The following ROBO1 variants were observed in gnomAD, a reference collection of about 807,000 sequenced individuals.
The protein encoded by ROBO1 is roundabout homolog 1.
Under a neutral mutation model 195.9 loss-of-function variants are expected in ROBO1, and 149 were observed. The ratio of observed to expected loss-of-function variants is 0.76; its 90% CI spans 0.67 to 0.87. The LOEUF is 0.87. ROBO1 is among the 40% of genes least tolerant of loss of function. The pLI, the probability that ROBO1 is intolerant of heterozygous loss-of-function variation, is 0.00. For missense variants in ROBO1, 1,933 were observed against 2,068.3 expected (o/e 0.93, Z 1.27); for synonymous variants, 816 against 733.2 (o/e 1.11, Z -1.82).
intron 2 of ROBO1, among the ~76,000 whole-genome samples, chr3:79,196,584 C>T (rs1057185491): frequency 6.6e-6 from 1 of 151,652 alleles, no homozygotes; most frequent in Non-Finnish European, 1.5e-5. Context: ...CAATTTTAGT[C>T]ATATTGATTG....
intron 2 of ROBO1, among the ~76,000 whole-genome samples, chr3:79,275,866 T>C (rs1376872050): frequency 1.3e-5 from 2 of 149,918 alleles, no homozygotes; most frequent in Non-Finnish European, 3.0e-5. Flanking sequence ...ATCAAGAAAG[T>C]AATCCCATTT....
chr3:79,504,018 C>G (rs1003224611), intron 2 of ROBO1, among the ~76,000 whole-genome samples: 20 of 152,122 alleles, frequency 1.3e-4, no homozygotes, highest in African/African-American at 4.3e-4. Flanking sequence ...TTCAATAAAA[C>G]TGTCTTTTTA....
chr3:79,151,718 T>C (rs1204196483), intron 2 of ROBO1, among the ~76,000 whole-genome samples: 3 of 151,844 alleles, frequency 2.0e-5, no homozygotes, highest in Non-Finnish European at 1.5e-5. Context: ...TTTGGGCCAG[T>C]TTCCCGTTTG....
At chr3:79,674,837 TGTGTGTG>T (rs1560090140) in intron 1 of ROBO1, among the ~76,000 whole-genome samples, 9 of 151,106 alleles carry the variant, frequency 6.0e-5, no homozygotes, top group African/African-American at 1.7e-4. Context: ...CGTGTGTGTG[TGTGTGTG>T]TGTGTGTGTG....
chr3:79,170,563 A>G (rs376050301), intron 2 of ROBO1, among the ~76,000 whole-genome samples: 45 of 152,180 alleles, frequency 3.0e-4, no homozygotes, highest in African/African-American at 1.0e-3. Flanking sequence ...TTCTTTGTAC[A>G]TGAAACTCAA....
intron 14 of ROBO1, among the ~76,000 whole-genome samples, chr3:78,666,021 T>A (rs1461135951): frequency 6.6e-6 from 1 of 152,096 alleles, no homozygotes; most frequent in African/African-American, 2.4e-5. Context: ...CATGGAGTAG[T>A]TACCCCGTGC....
intron 4 of ROBO1, among the ~76,000 whole-genome samples, chr3:78,897,596 C>T (rs1444276815): frequency 6.6e-6 from 1 of 151,068 alleles, no homozygotes; most frequent in East Asian, 2.0e-4. Context: ...TAAAAGATTG[C>T]CAAAAACACA....
chr3:79,093,662 T>A (rs1320429105), intron 3 of ROBO1, among the ~76,000 whole-genome samples: 1 of 152,082 alleles, frequency 6.6e-6, no homozygotes, highest in East Asian at 1.9e-4. Context: ...TTCTAGGCAG[T>A]TGTTTTTAAG....
intron 1 of ROBO1, among the ~76,000 whole-genome samples, chr3:79,766,557 C>G (rs368225962): frequency 1.3e-5 from 2 of 151,902 alleles, no homozygotes; most frequent in Non-Finnish European, 2.9e-5. Flanking sequence ...GGGCAGAAGC[C>G]GTCTCTGCAG....
At chr3:78,733,468 T>A (rs2108203500) in intron 5 of ROBO1, among the ~76,000 whole-genome samples, 1 of 152,130 alleles carries the variant, frequency 6.6e-6, no homozygotes, top group Middle Eastern at 3.4e-3. Context: ...GTCCATACTA[T>A]CATAAGCAAT....
At chr3:79,536,832 TA>T (rs1213304610) in intron 2 of ROBO1, among the ~76,000 whole-genome samples, 12 of 152,168 alleles carry the variant, frequency 7.9e-5, no homozygotes, top group Admixed American at 7.9e-4. Flanking sequence ...ACTTTGCTCT[TA>T]CCTCCTTTGA....
At chr3:79,349,757 T>C (rs770547276) in intron 2 of ROBO1, among the ~76,000 whole-genome samples, 1 of 152,162 alleles carries the variant, frequency 6.6e-6, no homozygotes, top group Non-Finnish European at 1.5e-5. Flanking sequence ...CAACTGGATA[T>C]CCACATGCAA....
chr3:79,287,298 T>C (rs982241932), intron 2 of ROBO1, among the ~76,000 whole-genome samples: 1 of 152,128 alleles, frequency 6.6e-6, no homozygotes, highest in African/African-American at 2.4e-5. Context: ...TCTGATAGCA[T>C]AACCAATCAA....
chr3:79,107,054 T>C (rs919779373), intron 3 of ROBO1, among the ~76,000 whole-genome samples: 1 of 151,054 alleles, frequency 6.6e-6, no homozygotes, highest in Non-Finnish European at 1.5e-5. Context: ...TTTCACAAAA[T>C]AAGATGCCTA....
At chr3:79,509,335 C>T (rs1575940738) in intron 2 of ROBO1, among the ~76,000 whole-genome samples, 1 of 151,804 alleles carries the variant, frequency 6.6e-6, no homozygotes, top group Non-Finnish European at 1.5e-5. Flanking sequence ...AAACACCTCT[C>T]TTTTTAATGT....
chr3:79,438,130 T>C (rs984426204), intron 2 of ROBO1, among the ~76,000 whole-genome samples: 11 of 152,116 alleles, frequency 7.2e-5, no homozygotes, highest in Admixed American at 3.9e-4. Flanking sequence ...TTTAACTTAA[T>C]GTCATACAAA....
intron 1 of ROBO1, among the ~76,000 whole-genome samples, chr3:79,739,412 A>G (rs1164690137): frequency 6.6e-6 from 1 of 152,166 alleles, no homozygotes; most frequent in African/African-American, 2.4e-5. Flanking sequence ...TATACTCTCC[A>G]TCTGCCAACT....
rs77925821 is a variant in ROBO1, at chr3:79,722,933, C to T, written c.-51+44819G>A. Among the ~76,000 whole-genome samples the T allele has an allele frequency of 5.2e-3, 798 of 152,204 alleles. 4 individuals are homozygous for T. The highest frequency in any genetic ancestry group is 0.017 in the Middle Eastern group (5 of 294). Reference sequence around the variant, plus strand: ...GGTACCAGTGACTTTACGTATAATCCTCACAGGTACTGCTCAACAGTATTG... The same window carrying T: ...GGTACCAGTGACTTTACGTATAATCTTCACAGGTACTGCTCAACAGTATTG... On this transcript the variant is annotated intron_variant, in intron 1 of 30. Coordinates refer to ENST00000464233, the MANE Select transcript of ROBO1 (RefSeq NM_002941.4).
chr3:78,954,665 C>G (rs1414424663), intron 3 of ROBO1, among the ~76,000 whole-genome samples: 4 of 151,908 alleles, frequency 2.6e-5, no homozygotes, highest in Non-Finnish European at 5.9e-5. Context: ...TAATTATAAT[C>G]TTCAGTTTTC....
Sources: gnomAD v4.1 joint callset for allele counts (sites outside exome capture counted in the v4.1 genomes callset) on GRCh38, gnomAD v4.1.1 for gene constraint, MANE v1.5 for transcripts, NCBI Gene and HGNC (gene_info 2026-07-23, HGNC 2026-07-21) for gene names.